The following SCFD2 variants were observed in gnomAD, a reference collection of about 807,000 sequenced individuals.
The protein encoded by SCFD2 is sec1 family domain containing 2, also known as sec1 family domain-containing protein 2.
In SCFD2, 54 loss-of-function variants were observed where a neutral mutation model predicts 58.9. That is an observed-to-expected ratio of 0.92 (90% CI 0.74 to 1.15). The LOEUF (loss-of-function observed/expected upper bound fraction) is 1.15, where lower values mean the gene tolerates loss of function less well. SCFD2 is among the 50% of genes most tolerant of loss of function. SCFD2 has a pLI of 0.00. For synonymous variants in SCFD2, 321 were observed against 335.9 expected (o/e 0.96, Z 0.49); for missense variants, 805 against 836.6 (o/e 0.96, Z 0.47).
chr4:53,332,552 T>G (rs1733517410), intron 2 of SCFD2, among the ~76,000 whole-genome samples: 1 of 152,234 alleles, frequency 6.6e-6, no homozygotes, highest in South Asian at 2.1e-4. Flanking sequence ...CAACAACCCT[T>G]AATGCTAAAA....
chr4:53,300,306 C>T (rs1327800867), intron 3 of SCFD2, among the ~76,000 whole-genome samples: 1 of 151,970 alleles, frequency 6.6e-6, no homozygotes, highest in South Asian at 2.1e-4. Context: ...ATCCTAGTCT[C>T]GGATAAAACA....
At chr4:53,005,284 T>C (rs917789694) in intron 5 of SCFD2, among the ~76,000 whole-genome samples, 3 of 152,184 alleles carry the variant, frequency 2.0e-5, no homozygotes. Context: ...GAGCTGCTAA[T>C]TCTGTACTTT....
At chr4:52,978,167 A>G (rs1721294870) in intron 5 of SCFD2, among the ~76,000 whole-genome samples, 1 of 152,220 alleles carries the variant, frequency 6.6e-6, no homozygotes, top group East Asian at 1.9e-4. Context: ...CAGCAGGGTA[A>G]GCAAACAGTC....
At position 52,992,806 on chromosome 4, in the gene SCFD2, G is replaced by A. The variant is rs368703024; in HGVS notation, c.1562-71936C>T. On this transcript the variant is annotated intron_variant, in intron 5 of 8. Coordinates refer to ENST00000401642, the MANE Select transcript of SCFD2 (RefSeq NM_152540.4). ...CCTCCGCCAGGCAGCCGCCCCGTCC[G>A]GGAGGGAGGTGGGGGATGCCTCTGC... 1.2e-3 allele frequency among the ~76,000 whole-genome samples: 179 copies of A among 151,916 alleles called. 7 individuals are homozygous for A. The East Asian group carries it at 0.032, about 27-fold the overall frequency.
chr4:52,947,832 A>G lies in SCFD2; in HGVS notation c.1562-26962T>C, dbSNP rs78704096. On this transcript the variant is annotated intron_variant, in intron 5 of 8. Coordinates refer to ENST00000401642, the MANE Select transcript of SCFD2 (RefSeq NM_152540.4). ...AAAAAAAAATTGAAAGATACCATGAACAGAGTGAAAAGCTAAGCCTTAAGC... is the reference window on the plus strand; with the variant it reads ...AAAAAAAAATTGAAAGATACCATGAGCAGAGTGAAAAGCTAAGCCTTAAGC... 7.4e-3 allele frequency among the ~76,000 whole-genome samples: 1,123 copies of G among 152,184 alleles called. 12 individuals carry two copies. The highest frequency in any genetic ancestry group is 0.024 in the African/African-American group (997 of 41,524).
intron 4 of SCFD2, among the ~76,000 whole-genome samples, chr4:53,201,029 T>G (rs1728216412): frequency 6.6e-6 from 1 of 151,868 alleles, no homozygotes; most frequent in African/African-American, 2.4e-5. Flanking sequence ...TTAAAAAATT[T>G]TATTATTATT....
intron 4 of SCFD2, among the ~76,000 whole-genome samples, chr4:53,226,274 C>A (rs992663222): frequency 6.6e-6 from 1 of 151,852 alleles, no homozygotes; most frequent in Non-Finnish European, 1.5e-5. Context: ...TATCTTGCAG[C>A]AATACAACAT....
intron 3 of SCFD2, among the ~76,000 whole-genome samples, chr4:53,281,209 T>C (rs1577927520): frequency 2.6e-5 from 4 of 152,354 alleles, no homozygotes; most frequent in Admixed American, 2.6e-4. Flanking sequence ...TGCTGTAACA[T>C]TGATTTATAG....
At chr4:53,279,273 C>T (rs148735320) in intron 3 of SCFD2, among the ~76,000 whole-genome samples, 1 of 152,074 alleles carries the variant, frequency 6.6e-6, no homozygotes, top group African/African-American at 2.4e-5. Flanking sequence ...TTCAGTTAGG[C>T]TTTATTTTTC....
intron 2 of SCFD2, among the ~76,000 whole-genome samples, chr4:53,327,436 A>C (rs1733242128): frequency 6.6e-6 from 1 of 152,186 alleles, no homozygotes; most frequent in East Asian, 1.9e-4. Context: ...ACCCACACCA[A>C]GAGTATGATG....
chr4:52,986,693 G>C (rs986029779), intron 5 of SCFD2, among the ~76,000 whole-genome samples: 1 of 151,790 alleles, frequency 6.6e-6, no homozygotes, highest in Non-Finnish European at 1.5e-5. Flanking sequence ...TGGAGATGAG[G>C]TTTCACCATG....
At chr4:52,903,017 G>C (rs1560476040) in intron 7 of SCFD2, among the ~76,000 whole-genome samples, 1 of 152,194 alleles carries the variant, frequency 6.6e-6, no homozygotes, top group Non-Finnish European at 1.5e-5. Context: ...ATAGGAAAGA[G>C]CCTCAAATCT....
chr4:53,112,700 T>G (rs913558132), intron 5 of SCFD2, among the ~76,000 whole-genome samples: 3 of 152,096 alleles, frequency 2.0e-5, no homozygotes, highest in Non-Finnish European at 4.4e-5. Context: ...AAGTCCTACT[T>G]TCCTCACTGA....
At chr4:53,286,554 C>A (rs540762741) in intron 3 of SCFD2, among the ~76,000 whole-genome samples, 16 of 152,202 alleles carry the variant, frequency 1.1e-4, no homozygotes, top group African/African-American at 3.6e-4. Context: ...CAGCTATATA[C>A]CCCATGCTCC....
At chr4:53,188,418 GGTGTGTGTGTGTGTGTGTGT>G (rs56120914) in intron 4 of SCFD2, among the ~76,000 whole-genome samples, 3 of 143,460 alleles carry the variant, frequency 2.1e-5, no homozygotes, top group African/African-American at 7.8e-5. Flanking sequence ...CTTCAAAACT[GGTGTGTGTGTGTGTGTGTGT>G]GTGTGTGTGT....
At chr4:53,271,371 T>C (rs1446603957) in intron 4 of SCFD2, among the ~76,000 whole-genome samples, 1 of 151,856 alleles carries the variant, frequency 6.6e-6, no homozygotes, top group African/African-American at 2.4e-5. Flanking sequence ...TCAGTATAGA[T>C]TGCATAAATA....
intron 4 of SCFD2, among the ~76,000 whole-genome samples, chr4:53,205,121 G>T (rs1218515292): frequency 1.3e-5 from 2 of 152,034 alleles, no homozygotes; most frequent in East Asian, 1.9e-4. Flanking sequence ...GAAAACAGGG[G>T]ATCCAACACA....
intron 5 of SCFD2, among the ~76,000 whole-genome samples, chr4:53,076,559 G>A (rs199838545): frequency 6.6e-6 from 1 of 152,078 alleles, no homozygotes; most frequent in Non-Finnish European, 1.5e-5. Flanking sequence ...TTGTGTCCTC[G>A]TAACTGTCAG....
chr4:52,942,741 G>GA (rs1031910632), intron 5 of SCFD2, among the ~76,000 whole-genome samples: 24 of 152,220 alleles, frequency 1.6e-4, no homozygotes, highest in African/African-American at 5.5e-4. Flanking sequence ...GTACAGAAGG[G>GA]AGAGGGACTA....
Sources: allele counts gnomAD v4.1 joint callset (sites outside exome capture counted in the v4.1 genomes callset), GRCh38; gene constraint gnomAD v4.1.1; transcripts MANE v1.5; gene names NCBI Gene and HGNC (gene_info 2026-07-23, HGNC 2026-07-21).